The following SOX5 variants were observed in gnomAD, a reference collection of about 807,000 sequenced individuals.
SOX5 encodes transcription factor SOX-5.
SOX5 carries 9 observed loss-of-function variants against 92.0 expected under a neutral mutation model. That is an observed-to-expected ratio of 0.10 (90% CI 0.06 to 0.17). The LOEUF (loss-of-function observed/expected upper bound fraction) is 0.17, where lower values mean the gene tolerates loss of function less well. Ranked by LOEUF, SOX5 falls within the 10% of genes least tolerant of loss-of-function variation. The probability of loss-of-function intolerance (pLI) is 1.00; values close to 1 mark genes in which losing one functional copy is unlikely to be tolerated. For missense variants in SOX5, 642 were observed against 944.5 expected, an observed-to-expected ratio of 0.68 and a Z score of 4.20; for synonymous variants, 344 against 336.3, an observed-to-expected ratio of 1.02 and a Z score of -0.25.
At chr12:23,695,819 T>C (rs1366519838) in intron 6 of SOX5, among the ~76,000 whole-genome samples, 4 of 151,014 alleles carry the variant, frequency 2.6e-5, no homozygotes, top group African/African-American at 9.7e-5. Flanking sequence ...CGGGCGCCTA[T>C]AGTTCCAGCT....
intron 3 of SOX5, among the ~76,000 whole-genome samples, chr12:23,841,205 C>A (rs2135920446): frequency 6.6e-6 from 1 of 152,092 alleles, no homozygotes; most frequent in East Asian, 1.9e-4. Context: ...TATAAGCACA[C>A]AAAAGATGCT....
intron 1 of SOX5, among the ~76,000 whole-genome samples, chr12:24,391,159 A>G (rs1337868757): frequency 6.6e-6 from 1 of 151,908 alleles, no homozygotes; most frequent in Non-Finnish European, 1.5e-5. Context: ...TTTAATTTGC[A>G]TTTCTCTGAT....
intron 3 of SOX5, among the ~76,000 whole-genome samples, chr12:23,806,737 G>C (rs1278591999): frequency 1.4e-5 from 2 of 144,882 alleles, no homozygotes; most frequent in South Asian, 2.5e-4. Context: ...TTGGAGAATA[G>C]AGCCACAGTC....
chr12:23,887,549 C>T (rs776622947), intron 2 of SOX5, among the ~76,000 whole-genome samples: 3 of 152,124 alleles, frequency 2.0e-5, no homozygotes, highest in South Asian at 2.1e-4. Context: ...CAAGAATTCA[C>T]GTAAGTCTCC....
chr12:24,055,332 T>C (rs1256981869), intron 4 of SOX5, among the ~76,000 whole-genome samples: 1 of 152,202 alleles, frequency 6.6e-6, no homozygotes, highest in Non-Finnish European at 1.5e-5. Flanking sequence ...CAGGGGTCCC[T>C]CACAGTCCTT....
At chr12:23,928,653 T>C (rs1166455871) in intron 1 of SOX5, among the ~76,000 whole-genome samples, 1 of 151,902 alleles carries the variant, frequency 6.6e-6, no homozygotes, top group Non-Finnish European at 1.5e-5. Context: ...ATATACAAAA[T>C]AGACCAGCCA....
chr12:23,951,001 ACACT>A (rs1046586031), upstream of SOX5: 48 of 687,856 alleles, frequency 7.0e-5, no homozygotes, highest in East Asian at 2.3e-4. Flanking sequence ...ACACACACAC[ACACT>A]CACTCACGCA....
chr12:24,287,676 A>C (rs920270840), intron 2 of SOX5, among the ~76,000 whole-genome samples: 3 of 149,064 alleles, frequency 2.0e-5, no homozygotes, highest in Admixed American at 6.8e-5. Flanking sequence ...TTTCAAAAAA[A>C]TTCTTAAAAT....
intron 1 of SOX5, among the ~76,000 whole-genome samples, chr12:24,551,875 G>T (rs1476812527): frequency 6.6e-6 from 1 of 152,130 alleles, no homozygotes; most frequent in Non-Finnish European, 1.5e-5. Context: ...TCTACATGCT[G>T]CTCTCTCCTT....
At chr12:23,769,362 G>T (rs997902658) in intron 3 of SOX5, among the ~76,000 whole-genome samples, 1 of 142,732 alleles carries the variant, frequency 7.0e-6, no homozygotes, top group Non-Finnish European at 1.5e-5. Context: ...AGCATGGAAG[G>T]AAAAAAAAAA....
chr12:24,502,837 AAC>A (rs1413209735), intron 1 of SOX5, among the ~76,000 whole-genome samples: 38 of 152,328 alleles, frequency 2.5e-4, no homozygotes, highest in Non-Finnish European at 2.9e-5. Flanking sequence ...CCCTGAGAAA[AAC>A]ACATCAATTT....
chr12:24,298,541 T>C lies in SOX5; in HGVS notation c.-173-21229A>G, dbSNP rs148431773. On this transcript the variant is annotated intron_variant, in intron 2 of 4. Transcript: ENST00000446891. ...GATGAGTAATAGGGCCAGGTATTAG[T>C]TATGTAGAAATGTTATACTCAAATA... 3.8e-3 allele frequency among the ~76,000 whole-genome samples: 586 copies of C among 152,238 alleles called. 6 individuals are homozygous for C. Among genetic ancestry groups the C allele is most frequent in the African/African-American group, 0.013 (557 of 41,552 alleles).
chr12:24,166,053 T>A (rs750994370), intron 4 of SOX5, among the ~76,000 whole-genome samples: 1 of 152,042 alleles, frequency 6.6e-6, no homozygotes, highest in Non-Finnish European at 1.5e-5. Context: ...ACTGGGGTAG[T>A]GGAAGAAGAG....
At chr12:24,397,180 TC>T (rs1960260293) in intron 1 of SOX5, among the ~76,000 whole-genome samples, 2 of 152,202 alleles carry the variant, frequency 1.3e-5, no homozygotes, top group African/African-American at 4.8e-5. Flanking sequence ...TTGCTTTCAT[TC>T]TTTTTCTTTT....
chr12:24,144,564 G>T (rs1249286920), intron 4 of SOX5, among the ~76,000 whole-genome samples: 1 of 152,154 alleles, frequency 6.6e-6, no homozygotes, highest in African/African-American at 2.4e-5. Context: ...CCAGCAGTTT[G>T]GGAGGCCAAG....
chr12:24,465,275 G>A (rs973643006), intron 1 of SOX5, among the ~76,000 whole-genome samples: 1 of 152,150 alleles, frequency 6.6e-6, no homozygotes, highest in Non-Finnish European at 1.5e-5. Flanking sequence ...ATTCCTAATC[G>A]TTACAATGTT....
In SOX5 at chr12:24,350,477, G is replaced by A. The variant is rs554823638; in HGVS notation, c.-174+18086C>T. 3.3e-5 allele frequency among the ~76,000 whole-genome samples: 5 copies of A among 152,162 alleles called. No individual in the cohort carries two copies. In the East Asian group the frequency reaches 9.7e-4, roughly 29 times the overall value. ...TCCCACCTCAGCCTTCCGAGTAGGT[G>A]GGCCTATAGGCACGTGCCACCATGC... is the stretch of plus-strand genomic sequence containing the variant. On this transcript the variant is annotated intron_variant, in intron 2 of 4. Coordinates refer to the SOX5 transcript ENST00000446891.
At chr12:24,417,031 C>A (rs911834257) in intron 1 of SOX5, among the ~76,000 whole-genome samples, 6 of 152,168 alleles carry the variant, frequency 3.9e-5, no homozygotes, top group African/African-American at 1.4e-4. Context: ...CTCTGGCAAG[C>A]CATGTGAGGA....
At chr12:23,668,413 T>C (rs531696240) in intron 6 of SOX5, among the ~76,000 whole-genome samples, 15 of 152,284 alleles carry the variant, frequency 9.9e-5, no homozygotes, top group African/African-American at 3.6e-4. Flanking sequence ...AGTGACTGTA[T>C]TATTCCTATA....
Sources: gnomAD v4.1 joint callset for allele counts (sites outside exome capture counted in the v4.1 genomes callset) on GRCh38, gnomAD v4.1.1 for gene constraint, MANE v1.5 for transcripts, NCBI Gene and HGNC (gene_info 2026-07-23, HGNC 2026-07-21) for gene names.